DENND1B: variants seen among roughly 807,000 people sequenced by gnomAD.
The protein encoded by DENND1B is DENN domain containing 1B.
In DENND1B, 59 loss-of-function variants were observed where a neutral mutation model predicts 90.1. The observed-to-expected ratio is 0.65, with a 90% CI of 0.53 to 0.81. The LOEUF (loss-of-function observed/expected upper bound fraction) is 0.81. Ranked by LOEUF, DENND1B falls within the 40% of genes least tolerant of loss-of-function variation. DENND1B has a pLI of 0.00. For synonymous variants in DENND1B, 337 were observed against 324.6 expected (o/e 1.04, Z -0.41); for missense variants, 862 against 912.6 (o/e 0.94, Z 0.71).
chr1:197,525,829 A>G (rs1405293736), intron 20 of DENND1B, among the ~76,000 whole-genome samples: 8 of 152,060 alleles, frequency 5.3e-5, no homozygotes, highest in Non-Finnish European at 8.8e-5. Flanking sequence ...AATTGCAATT[A>G]TATTTTGGTG....
rs139697424 is a variant in DENND1B at position 197,684,015 on chromosome 1, C to T, written c.127-9846G>A. ...CCTAATCAGTGCCTGGCACATTACT[C>T]ATGCTAAGAAAAAATCTGAACTCAT... On this transcript the variant is annotated intron_variant, in intron 3 of 22. Coordinates refer to ENST00000620048, the MANE Select transcript of DENND1B (RefSeq NM_001195215.2). Among the ~76,000 whole-genome samples the T allele has an allele frequency of 6.7e-4, 102 of 152,284 alleles. No individual in the cohort carries two copies. The East Asian group carries it at 0.017, about 25-fold the overall frequency.
At chr1:197,703,332 CA>C (rs776966106) in intron 3 of DENND1B, among the ~76,000 whole-genome samples, 20 of 145,100 alleles carry the variant, frequency 1.4e-4, no homozygotes, top group Non-Finnish European at 1.8e-4. Context: ...AAAGAAAGAA[CA>C]AAAAAAAAAC....
At position 197,672,013 on chromosome 1, in the gene DENND1B, A is replaced by T. The variant is rs202182203; in HGVS notation, c.296+24T>A. On this transcript the variant is annotated intron_variant, in intron 5 of 22. Transcript: ENST00000620048. ...GAGATAGTTACCTATTTTGCATCTA[A>T]TTTTTTTTACTACAAATACTCACCT... is the stretch of plus-strand genomic sequence containing the variant. 88 of 1,598,682 alleles carry T rather than the reference A, an allele frequency of 5.5e-5. No homozygotes were observed. The Middle Eastern group carries it at 1.0e-3, about 18-fold the overall frequency.
chr1:197,564,493 C>T (rs1457045085), intron 15 of DENND1B, among the ~76,000 whole-genome samples: 1 of 135,522 alleles, frequency 7.4e-6, no homozygotes, highest in Non-Finnish European at 1.6e-5. Context: ...AAGGTATGTA[C>T]ATTTTTTAGA....
chr1:197,646,025 T>A (rs1330017189), intron 8 of DENND1B, among the ~76,000 whole-genome samples: 3 of 151,870 alleles, frequency 2.0e-5, no homozygotes, highest in African/African-American at 4.8e-5. Context: ...AAGAGTATAT[T>A]GCTGAAAGGT....
chr1:197,566,438 G>A (rs1166501438), intron 15 of DENND1B, among the ~76,000 whole-genome samples: 1 of 152,054 alleles, frequency 6.6e-6, no homozygotes, highest in African/African-American at 2.4e-5. Context: ...TACCAAAACA[G>A]AGATATAGAT....
chr1:197,719,607 C>T (rs1398534047), intron 2 of DENND1B, among the ~76,000 whole-genome samples: 1 of 152,120 alleles, frequency 6.6e-6, no homozygotes, highest in Non-Finnish European at 1.5e-5. Flanking sequence ...TATGAAATAA[C>T]CATTTCAGGC....
chr1:197,719,715 TAGTC>T (rs199546903), intron 2 of DENND1B, among the ~76,000 whole-genome samples: 13 of 152,172 alleles, frequency 8.5e-5, no homozygotes, highest in African/African-American at 1.4e-4. Context: ...AGGTTTCTGT[TAGTC>T]AGGTGGATGG....
chr1:197,617,959 G>C (rs1677812012), intron 10 of DENND1B, among the ~76,000 whole-genome samples, 200 bp from the exon 11 acceptor site: 1 of 151,048 alleles, frequency 6.6e-6, no homozygotes, highest in South Asian at 2.1e-4. Context: ...AGCAAAAGAA[G>C]CTTCTTGGGA....
intron 6 of DENND1B, 149 bp from the exon 7 acceptor site, chr1:197,652,464 A>T (rs1653337974): frequency 1.7e-6 from 1 of 592,006 alleles, no homozygotes; most frequent in Non-Finnish European, 2.8e-6. Context: ...AAATACCTGA[A>T]ATTCAAATAT....
chr1:197,561,390 ATAAAG>A, intron 15 of DENND1B, among the ~76,000 whole-genome samples: 1 of 152,002 alleles, frequency 6.6e-6, no homozygotes, highest in South Asian at 2.1e-4. Context: ...GGCTGCTAAT[ATAAAG>A]TACTCTTCTG....
intron 5 of DENND1B, among the ~76,000 whole-genome samples, chr1:197,667,300 T>C (rs1655037968): frequency 6.6e-6 from 1 of 152,194 alleles, no homozygotes; most frequent in Non-Finnish European, 1.5e-5. Flanking sequence ...GTGTTGAAAT[T>C]ACAGAGAAAC....
intron 20 of DENND1B, among the ~76,000 whole-genome samples, chr1:197,517,676 T>C (rs1668494166): frequency 6.6e-6 from 1 of 151,906 alleles, no homozygotes; most frequent in African/African-American, 2.4e-5. Flanking sequence ...TACTCCTATT[T>C]AAAGAAATCC....
intron 2 of DENND1B, among the ~76,000 whole-genome samples, chr1:197,736,741 C>T (rs1218329015): frequency 1.3e-5 from 2 of 152,160 alleles, no homozygotes; most frequent in Non-Finnish European, 2.9e-5. Context: ...TTACAAATGC[C>T]CATACTGCAT....
At chr1:197,584,261 A>G (rs1459792379) in intron 14 of DENND1B, among the ~76,000 whole-genome samples, 1 of 152,238 alleles carries the variant, frequency 6.6e-6, no homozygotes, top group Admixed American at 6.5e-5. Context: ...TATAAATAAA[A>G]TAATGAGAGT....
intron 2 of DENND1B, among the ~76,000 whole-genome samples, chr1:197,724,325 G>C (rs967353691): frequency 3.3e-5 from 5 of 152,122 alleles, no homozygotes; most frequent in African/African-American, 1.2e-4. Context: ...AACCATGCAT[G>C]ACCTTTCTTT....
intron 9 of DENND1B, among the ~76,000 whole-genome samples, chr1:197,643,608 C>T (rs945677065): frequency 5.3e-5 from 8 of 152,178 alleles, no homozygotes; most frequent in African/African-American, 1.7e-4. Flanking sequence ...GCATGCACAA[C>T]GTACCCAAAG....
intron 10 of DENND1B, among the ~76,000 whole-genome samples, chr1:197,619,250 A>C (rs1232885223): frequency 6.6e-6 from 1 of 151,258 alleles, no homozygotes; most frequent in African/African-American, 2.4e-5. Context: ...ACTTCCATTT[A>C]ACAATTATAG....
intron 2 of DENND1B, among the ~76,000 whole-genome samples, chr1:197,754,172 T>A (rs1417473395): frequency 6.6e-6 from 1 of 152,084 alleles, no homozygotes; most frequent in East Asian, 1.9e-4. Flanking sequence ...TTAATATTTT[T>A]AAAAAGAGGA....
Sources: allele counts gnomAD v4.1 joint callset (sites outside exome capture counted in the v4.1 genomes callset), GRCh38; gene constraint gnomAD v4.1.1; transcripts MANE v1.5; gene names NCBI Gene and HGNC (gene_info 2026-07-23, HGNC 2026-07-21).